Variants in ADH7 observed in about 807,000 individuals in gnomAD.
The protein encoded by ADH7 is alcohol dehydrogenase 7 (class IV), mu or sigma polypeptide.
Under a neutral mutation model 34.4 loss-of-function variants are expected in ADH7, and 41 were observed. The ratio of observed to expected loss-of-function variants is 1.19; its 90% confidence interval spans 0.93 to 1.55. The LOEUF (loss-of-function observed/expected upper bound fraction) is 1.55. Among genes scored for constraint, ADH7 ranks in the 40% most tolerant of loss-of-function variants. ADH7 has a pLI of 0.00. For synonymous variants in ADH7, 180 were observed against 160.9 expected (o/e 1.12, Z -0.90); for missense variants, 540 against 461.2 (o/e 1.17, Z -1.56).
rs1721866000 is a variant in ADH7, at chr4:99,428,523, G to A, written c.228C>T (p.Ser76=). The A allele has an allele frequency of 6.2e-7, 1 of 1,613,578 alleles. No homozygotes were observed. The highest frequency in any genetic ancestry group is 8.5e-7 in the Non-Finnish European group (1 of 1,179,850). The change falls in exon 3 of 9, where the codon AGC becomes AGT. Residue 76 remains serine, a synonymous_variant. Coordinates refer to ENST00000437033, the MANE Select transcript of ADH7 (RefSeq NM_000673.7). The part of the protein sequence containing the change: ...VGHEATGIVE[S]IGEGVTTVKP... ...TCACTGTAGTCACTCCTTCTCCAAT[G>A]CTCTCTACAATCCCAGTTGCCTCAT...
At chr4:99,429,746 A>G (rs1246732750) in intron 1 of ADH7, 113 bp from the exon 2 acceptor site, 3 of 727,668 alleles carry the variant, frequency 4.1e-6, no homozygotes, top group Non-Finnish European at 6.5e-6. Context: ...AGTTTTCCAG[A>G]ATGATTTTCA....
At chr4:99,416,428 T>C (rs758964556) in intron 7 of ADH7, among the ~76,000 whole-genome samples, 17 of 152,146 alleles carry the variant, frequency 1.1e-4, no homozygotes, top group Non-Finnish European at 2.4e-4. Context: ...AGTCCTCCTC[T>C]TATATGAACT....
At chr4:99,418,636 C>T (rs1154457) in intron 7 of ADH7, among the ~76,000 whole-genome samples, 41,150 of 151,888 alleles carry the variant, frequency 0.27, 6,299 homozygotes, top group Admixed American at 0.37. Context: ...TATTATGAAT[C>T]GAATAAATTC....
intron 8 of ADH7, 99 bp downstream of exon 8, chr4:99,415,379 A>G: frequency 7.9e-7 from 1 of 1,263,544 alleles, no homozygotes. Flanking sequence ...AGATTAAATA[A>G]TTAGAAATAA....
intron 5 of ADH7, among the ~76,000 whole-genome samples, chr4:99,423,175 G>T (rs77713866): frequency 0.05 from 7,565 of 150,630 alleles, 360 homozygotes; most frequent in African/African-American, 0.12. Flanking sequence ...ATGGTTTCCA[G>T]CTTCATCCAT....
chr4:99,418,093 A>C (rs916177148), intron 7 of ADH7, among the ~76,000 whole-genome samples: 1 of 152,206 alleles, frequency 6.6e-6, no homozygotes, highest in African/African-American at 2.4e-5. Flanking sequence ...GCTTCCTCAG[A>C]GAGTTACTGA....
Position 99,418,980 on chromosome 4 carries a change from C to T in ADH7, c.961+6G>A, listed in dbSNP as rs1721584136. 3.1e-6 allele frequency: 5 copies of T among 1,613,190 alleles called. No individual in the cohort carries two copies. The highest frequency in any genetic ancestry group is 1.7e-4 in the Middle Eastern group (1 of 6,012). ...ACTCCCCATCCAGAGGCTTTGCTTT[C>T]CTGACCTCCAAAGACACATCCCTTC... On this transcript the variant is annotated splice_donor_region_variant and intron_variant, in intron 7 of 8. Transcript: ENST00000437033.
intron 7 of ADH7, 85 bp from the exon 8 acceptor site, chr4:99,415,701 T>G: frequency 7.2e-7 from 1 of 1,386,056 alleles, no homozygotes; most frequent in South Asian, 1.4e-5. Flanking sequence ...TTCTCTTTCC[T>G]GCACTATGAC....
Position 99,415,496 on chromosome 4 carries a change from A to C in ADH7, c.1082T>G (p.Leu361Arg). 6.2e-7 allele frequency: 1 copy of C among 1,612,606 alleles called. No homozygotes were observed. ...PFKKISEGFE[L>R]LNSGQSIRTV... ...CAGTTACCTTTGTCCTGAATTGAGC[A>C]GCTCAAATCCTTCACTGATTTTTTT... The change falls in exon 8 of 9, where the codon CTG becomes CGG. Residue 361 changes from leucine (L) to arginine (R), a missense_variant. Leu to Arg is a moderately radical substitution (Grantham distance 102). Coordinates refer to ENST00000437033, the MANE Select transcript of ADH7 (RefSeq NM_000673.7).
At chr4:99,430,620 G>A (rs1721918016) in intron 1 of ADH7, among the ~76,000 whole-genome samples, 1 of 152,094 alleles carries the variant, frequency 6.6e-6, no homozygotes. Context: ...TGTGAAAAAT[G>A]ATACACTGGT....
rs1721633044 is a variant in ADH7, at chr4:99,420,706, T to C, written c.652A>G (p.Arg218Gly). The C allele has an allele frequency of 3.7e-6, 6 of 1,613,822 alleles. No homozygotes were observed. Among genetic ancestry groups the C allele is most frequent in the African/African-American group, 2.7e-5 (2 of 74,874 alleles). Reference sequence around the variant, plus strand: ...TTGTTGAGGTCAATCCCAATGATCCTAGATGCACCAGCTGACTTACAGCCC... The same window carrying C: ...TTGTTGAGGTCAATCCCAATGATCCCAGATGCACCAGCTGACTTACAGCCC... ...IMGCKSAGASRIIGIDLNKDK... is the reference protein window; with the variant it reads ...IMGCKSAGASGIIGIDLNKDK... The change falls in exon 6 of 9, where the codon AGG becomes GGG. Residue 218 changes from arginine to glycine, a missense_variant. By Grantham distance (125) the Arg-to-Gly change is moderately radical (BLOSUM62 -2). Transcript: ENST00000437033.
intron 8 of ADH7, among the ~76,000 whole-genome samples, chr4:99,415,011 C>A (rs1307482626): frequency 6.6e-6 from 1 of 152,016 alleles, no homozygotes; most frequent in Non-Finnish European, 1.5e-5. Flanking sequence ...CCCTATAATC[C>A]CTACATGTCA....
intron 5 of ADH7, among the ~76,000 whole-genome samples, chr4:99,427,274 G>A (rs1210847291): frequency 6.6e-6 from 1 of 152,060 alleles, no homozygotes; most frequent in Admixed American, 6.6e-5. Context: ...CATTATAGGT[G>A]GTAATCAAAA....
At chr4:99,419,486 GTTTTT>G (rs140580197) in intron 6 of ADH7, among the ~76,000 whole-genome samples, 1 of 149,066 alleles carries the variant, frequency 6.7e-6, no homozygotes, top group Non-Finnish European at 1.5e-5. Flanking sequence ...ATTTAGCGTA[GTTTTT>G]TTTTTAAGTT....
intron 5 of ADH7, among the ~76,000 whole-genome samples, chr4:99,424,501 C>T (rs1280817349): frequency 2.0e-5 from 3 of 152,108 alleles, no homozygotes; most frequent in Admixed American, 6.6e-5. Flanking sequence ...TTGATTCTTC[C>T]TACCCATGAG....
chr4:99,415,594 G>A lies in ADH7; in HGVS notation c.984C>T (p.Val328=), dbSNP rs1300006587. The A allele has an allele frequency of 1.2e-6, 2 of 1,613,200 alleles. No homozygotes were observed. Among genetic ancestry groups the A allele is most frequent in the East Asian group, 2.2e-5 (1 of 44,828 alleles). The part of the protein sequence containing the change: ...VFGGLKSRDD[V]PKLVTEFLAK... Reference sequence around the variant, plus strand: ...CCAGGAACTCAGTCACTAGTTTTGGGACATCATCTCTGCTTTTCAAACCTG... The same window carrying A: ...CCAGGAACTCAGTCACTAGTTTTGGAACATCATCTCTGCTTTTCAAACCTG... Residue 328 remains valine (V), a synonymous_variant, in exon 8 of 9, where the codon GTC becomes GTT. Transcript: ENST00000437033.
At chr4:99,419,160 C>T (rs1721591615) in intron 6 of ADH7, 39 bp from the exon 7 acceptor site, 1 of 1,598,898 alleles carries the variant, frequency 6.3e-7, no homozygotes, top group Non-Finnish European at 8.5e-7. Flanking sequence ...CTTCCTGTGT[C>T]TCTTACAGTG....
At chr4:99,431,181 T>G (rs925062241) in intron 1 of ADH7, among the ~76,000 whole-genome samples, 1 of 152,184 alleles carries the variant, frequency 6.6e-6, no homozygotes, top group Non-Finnish European at 1.5e-5. Flanking sequence ...GTAACTTTTA[T>G]GCTTAAGAGT....
chr4:99,422,095 C>A (rs1378637260), intron 5 of ADH7, among the ~76,000 whole-genome samples: 1 of 152,180 alleles, frequency 6.6e-6, no homozygotes. Flanking sequence ...GACAGTATGG[C>A]AATTCCTCAA....
Sources: allele counts gnomAD v4.1 joint callset (sites outside exome capture counted in the v4.1 genomes callset), GRCh38; gene constraint gnomAD v4.1.1; transcripts MANE v1.5; gene names NCBI Gene and HGNC (gene_info 2026-07-23, HGNC 2026-07-21).